The following STPG2 variants were observed in gnomAD, a reference collection of about 807,000 sequenced individuals.
STPG2 encodes the protein sperm tail PG-rich repeat containing 2, also known as sperm-tail PG-rich repeat-containing protein 2.
STPG2 carries 56 observed loss-of-function variants against 54.2 expected under a neutral mutation model. The observed-to-expected ratio is 1.03, with a 90% confidence interval of 0.83 to 1.29. The LOEUF (loss-of-function observed/expected upper bound fraction) is 1.29. Among genes scored for constraint, STPG2 ranks in the 50% most tolerant of loss-of-function variants. The probability of loss-of-function intolerance (pLI) is 0.00; values close to 1 mark genes in which losing one functional copy is unlikely to be tolerated. For synonymous variants in STPG2, 200 were observed against 181.8 expected, an observed-to-expected ratio of 1.10 and a Z score of -0.81; for missense variants, 596 against 544.9, an observed-to-expected ratio of 1.09 and a Z score of -0.93.
At chr4:97,922,239 T>A (rs1223337844) in intron 8 of STPG2, among the ~76,000 whole-genome samples, 1 of 152,126 alleles carries the variant, frequency 6.6e-6, no homozygotes, top group Non-Finnish European at 1.5e-5. Flanking sequence ...AATACATACA[T>A]CAAAACATCA....
At position 97,900,603 on chromosome 4, in the gene STPG2, C is replaced by A. The variant is rs184231928; in HGVS notation, c.1044+43294G>T. Among the ~76,000 whole-genome samples, 15 of 152,012 alleles carry A rather than the reference C, an allele frequency of 9.9e-5. 1 individual carries two copies. In the South Asian group the frequency reaches 2.3e-3, roughly 23 times the overall value. On this transcript the variant is annotated intron_variant, in intron 8 of 10. Coordinates refer to ENST00000295268, the MANE Select transcript of STPG2 (RefSeq NM_174952.3). Reference sequence around the variant, plus strand: ...AATACCATGCTGCCATAAGAAAGAACAAGATCATGTCTTTTGCAGAAACAT... The same window carrying A: ...AATACCATGCTGCCATAAGAAAGAAAAAGATCATGTCTTTTGCAGAAACAT...
intron 9 of STPG2, among the ~76,000 whole-genome samples, chr4:97,797,402 T>C (rs1727232568): frequency 2.0e-5 from 3 of 152,212 alleles, no homozygotes; most frequent in Non-Finnish European, 2.9e-5. Flanking sequence ...CATGAAGGGC[T>C]GTTGAATTTT....
intron 10 of STPG2, among the ~76,000 whole-genome samples, chr4:97,676,542 AAAGGAAGGAAGGAAGGAAGG>A (rs70953080): frequency 6.1e-5 from 8 of 131,302 alleles, no homozygotes; most frequent in East Asian, 2.3e-4. Context: ...GAGTTGGAAG[AAAGGAAGGAAGGAAGGAAGG>A]AAGGAAGGAA....
At chr4:98,045,591 T>G in intron 5 of STPG2, among the ~76,000 whole-genome samples, 1 of 152,292 alleles carries the variant, frequency 6.6e-6, no homozygotes, top group Admixed American at 6.5e-5. Flanking sequence ...TCCCCTTCAT[T>G]TTAGTAGGAT....
intron 5 of STPG2, among the ~76,000 whole-genome samples, chr4:98,034,279 A>G (rs1736698152): frequency 6.6e-6 from 1 of 152,200 alleles, no homozygotes; most frequent in African/African-American, 2.4e-5. Flanking sequence ...TCAAGGTGCA[A>G]AAATCACAAG....
At chr4:97,474,417 G>C (rs1182767880) in intron 4 of STPG2, among the ~76,000 whole-genome samples, 7 of 152,152 alleles carry the variant, frequency 4.6e-5, no homozygotes, top group Non-Finnish European at 1.0e-4. Context: ...CCTGTGGGAT[G>C]GTCATTTTAT....
chr4:98,067,499 G>A (rs1458311221), intron 5 of STPG2, among the ~76,000 whole-genome samples: 1 of 152,134 alleles, frequency 6.6e-6, no homozygotes, highest in Non-Finnish European at 1.5e-5. Flanking sequence ...CAGAGAGCCT[G>A]TGCTTCTGAT....
chr4:97,680,387 C>A (rs1309228237), intron 10 of STPG2, among the ~76,000 whole-genome samples: 2 of 151,946 alleles, frequency 1.3e-5, no homozygotes, highest in African/African-American at 4.8e-5. Flanking sequence ...CTCGTTGAAG[C>A]AATTGTGAAT....
intron 8 of STPG2, among the ~76,000 whole-genome samples, chr4:97,942,989 C>G (rs1274767268): frequency 2.0e-5 from 3 of 152,140 alleles, no homozygotes; most frequent in African/African-American, 7.2e-5. Context: ...ATACCATAAA[C>G]TGGGTAGCTT....
intron 5 of STPG2, among the ~76,000 whole-genome samples, chr4:98,010,664 T>C (rs1335761212): frequency 6.6e-6 from 1 of 152,214 alleles, no homozygotes; most frequent in African/African-American, 2.4e-5. Flanking sequence ...GAATATACTA[T>C]TGCTATTTTG....
In STPG2 at chr4:97,940,728, C is replaced by G. The variant is rs115909520; in HGVS notation, c.1044+3169G>C. Among the ~76,000 whole-genome samples, 474 of 152,158 alleles carry G rather than the reference C, an allele frequency of 3.1e-3. 2 individuals are homozygous for G. The highest frequency in any genetic ancestry group is 6.3e-3 in the Admixed American group (96 of 15,254). On this transcript the variant is annotated intron_variant, in intron 8 of 10. Transcript: ENST00000295268. The stretch of plus-strand genomic sequence containing the variant: ...ACTTTATTGTGATTTTAAAATAAAC[C>G]AATTTTAAAGCAGGATTTATATTAT...
chr4:97,693,492 T>C (rs575294324), intron 10 of STPG2, among the ~76,000 whole-genome samples: 1 of 152,258 alleles, frequency 6.6e-6, no homozygotes, highest in Admixed American at 6.5e-5. Flanking sequence ...ATCACAATCC[T>C]AAATATATAT....
intron 7 of STPG2, among the ~76,000 whole-genome samples, chr4:97,970,426 C>T (rs1388537515): frequency 3.9e-5 from 6 of 152,110 alleles, no homozygotes; most frequent in African/African-American, 7.2e-5. Context: ...AAGGCTACAG[C>T]AACCAAAACA....
In STPG2 at chr4:98,130,118, C is replaced by T. The variant is rs545600699; in HGVS notation, c.223-1526G>A. Among the ~76,000 whole-genome samples the T allele has an allele frequency of 3.0e-4, 46 of 152,138 alleles. 1 individual carries two copies. The highest frequency in any genetic ancestry group is 1.1e-3 in the African/African-American group (45 of 41,502). ...CAGGTGATCCGCCCACCTCAGCCTCCCAAACTGCTGGGATCACAGGCACGA... is the reference window on the plus strand; with the variant it reads ...CAGGTGATCCGCCCACCTCAGCCTCTCAAACTGCTGGGATCACAGGCACGA... On this transcript the variant is annotated intron_variant, in intron 2 of 10. Coordinates refer to ENST00000295268, the MANE Select transcript of STPG2 (RefSeq NM_174952.3).
intron 4 of STPG2, among the ~76,000 whole-genome samples, chr4:98,106,349 T>TA (rs1209003009): frequency 6.6e-6 from 1 of 151,814 alleles, no homozygotes; most frequent in African/African-American, 2.4e-5. Flanking sequence ...AAGCTAACCC[T>TA]AAAAAAAAGT....
chr4:97,758,785 T>C (rs1249556725), intron 9 of STPG2, among the ~76,000 whole-genome samples: 2 of 151,908 alleles, frequency 1.3e-5, no homozygotes, highest in Non-Finnish European at 2.9e-5. Context: ...GAACTTAAAG[T>C]AAAATTTTAA....
At chr4:98,116,712 GACCAGGTATGTCAT>G (rs1276030851) in intron 3 of STPG2, among the ~76,000 whole-genome samples, 1 of 151,852 alleles carries the variant, frequency 6.6e-6, no homozygotes, top group Admixed American at 6.6e-5. Flanking sequence ...AGGCCTAGAA[GACCAGGTATGTCAT>G]AGAGAGAGAG....
intron 10 of STPG2, among the ~76,000 whole-genome samples, chr4:97,645,199 A>G (rs1051726401): frequency 2.6e-5 from 4 of 151,688 alleles, no homozygotes; most frequent in Admixed American, 6.6e-5. Context: ...AGCATGGCCA[A>G]TTGTTTTTTA....
chr4:97,782,669 A>C (rs1026187912), intron 9 of STPG2, among the ~76,000 whole-genome samples: 1 of 152,216 alleles, frequency 6.6e-6, no homozygotes, highest in African/African-American at 2.4e-5. Flanking sequence ...ATGCTACCTG[A>C]CTTCAAACTT....
Sources: gnomAD v4.1 joint callset for allele counts (sites outside exome capture counted in the v4.1 genomes callset) on GRCh38, gnomAD v4.1.1 for gene constraint, MANE v1.5 for transcripts, NCBI Gene and HGNC (gene_info 2026-07-23, HGNC 2026-07-21) for gene names.